Variants in CPEB1 observed in about 807,000 individuals in gnomAD.
CPEB1 encodes the protein cytoplasmic polyadenylation element binding protein 1, also known as cytoplasmic polyadenylation element-binding protein 1.
A neutral mutation model predicts 65.8 loss-of-function variants in CPEB1; 7 were observed. The ratio of observed to expected loss-of-function variants is 0.11; its 90% CI spans 0.06 to 0.20. The LOEUF (loss-of-function observed/expected upper bound fraction) is 0.20, where lower values mean the gene tolerates loss of function less well. CPEB1 is among the 10% of genes least tolerant of loss of function. The probability of loss-of-function intolerance (pLI) is 1.00; values close to 1 mark genes in which losing one functional copy is unlikely to be tolerated. For missense variants in CPEB1, 551 were observed against 712.2 expected (o/e 0.77, Z 2.58); for synonymous variants, 262 against 260.0 (o/e 1.01, Z -0.08).
At chr15:82,545,845 G>C (rs1036830068) in intron 12 of CPEB1, among the ~76,000 whole-genome samples, 2 of 152,164 alleles carry the variant, frequency 1.3e-5, no homozygotes, top group African/African-American at 4.8e-5. Flanking sequence ...GCTCCCACGT[G>C]CTGCTGACCA....
chr15:82,624,435 CTT>C (rs772953956), intron 3 of CPEB1, among the ~76,000 whole-genome samples: 1 of 152,174 alleles, frequency 6.6e-6, no homozygotes, highest in African/African-American at 2.4e-5. Context: ...AAACTGACCT[CTT>C]TATCTCACTG....
At chr15:82,564,272 G>GT (rs887642814) in intron 4 of CPEB1, among the ~76,000 whole-genome samples, 7 of 149,412 alleles carry the variant, frequency 4.7e-5, no homozygotes, top group African/African-American at 7.4e-5. Flanking sequence ...GGACACAATG[G>GT]TTTTTTTTGT....
chr15:82,617,824 C>T (rs1252265607), intron 3 of CPEB1, among the ~76,000 whole-genome samples: 2 of 141,254 alleles, frequency 1.4e-5, no homozygotes, highest in Non-Finnish European at 3.0e-5. Flanking sequence ...AGCTCCGCCT[C>T]TCGGGTTCAC....
At chr15:82,634,601 A>G (rs8033406) in intron 1 of CPEB1, among the ~76,000 whole-genome samples, 2,200 of 152,328 alleles carry the variant, frequency 0.014, 53 homozygotes, top group African/African-American at 0.049. Context: ...GAAGGGCCCA[A>G]GGTTTACTCA....
At chr15:82,639,633 T>A (rs1403742574) in intron 1 of CPEB1, among the ~76,000 whole-genome samples, 1 of 152,198 alleles carries the variant, frequency 6.6e-6, no homozygotes, top group Admixed American at 6.5e-5. Flanking sequence ...CAGAAAAGAT[T>A]TAAAGTAACA....
In CPEB1 at chr15:82,627,442, T is replaced by C. The variant is rs182186196; in HGVS notation, c.97-75A>G. The C allele has an allele frequency of 9.7e-6, 11 of 1,138,630 alleles. No individual in the cohort carries two copies. In the South Asian group the frequency reaches 1.7e-4, roughly 17 times the overall value. 70.5% of individuals were successfully genotyped at this position (1,138,630 alleles called of 1,614,324 possible). A position where few individuals can be genotyped will look rare whatever the true frequency, so the allele number is the denominator to read the frequency against. ...CCCCCTTTCTCTCCACATTACGAAT[T>C]AGATAAAGTAGGAAGGACTTAAGTA... is the stretch of plus-strand genomic sequence containing the variant. On this transcript the variant is annotated intron_variant, in intron 2 of 12. Transcript: ENST00000684509.
At chr15:82,648,715 C>G (rs959049204), upstream of CPEB1, 3 of 152,534 alleles carry the variant, frequency 2.0e-5, no homozygotes, top group African/African-American at 7.2e-5. Context: ...GAAGATCAAG[C>G]AAAGGCAGAG....
rs536910192 is a variant in CPEB1, at chr15:82,633,406, CTT to C, written c.-97-4852_-97-4851del. ...ATTTTATTTGAGACAGAGTTTTGCTCTTGTCGCCCACGCTGGAGCGCAATGGC... is the reference window on the plus strand; with the variant it reads ...ATTTTATTTGAGACAGAGTTTTGCTCGTCGCCCACGCTGGAGCGCAATGGC... On this transcript the variant is annotated intron_variant, in intron 1 of 12. Transcript: ENST00000684509. 2.6e-3 allele frequency among the ~76,000 whole-genome samples: 399 copies of C among 152,362 alleles called. 5 individuals carry two copies. The highest frequency in any genetic ancestry group is 6.8e-3 in the Middle Eastern group (2 of 292).
chr15:82,578,909 C>T (rs931082682), intron 3 of CPEB1, among the ~76,000 whole-genome samples: 1 of 152,184 alleles, frequency 6.6e-6, no homozygotes, highest in Non-Finnish European at 1.5e-5. Context: ...CTACAACCTC[C>T]ACGTCCTAGG....
Position 82,584,986 on chromosome 15 carries a change from C to G in CPEB1, c.272-13454G>C, listed in dbSNP as rs377400609. ...ATTAAACTGGGTAAGGTGACAACAT[C>G]CCCTAAATAAACTTGAGTAGTTTTT... is the stretch of plus-strand genomic sequence containing the variant. On this transcript the variant is annotated intron_variant, in intron 3 of 12. Transcript: ENST00000684509. Among the ~76,000 whole-genome samples the G allele has an allele frequency of 1.2e-3, 167 of 137,078 alleles. 1 individual carries two copies. The highest frequency in any genetic ancestry group is 4.5e-3 in the African/African-American group (161 of 35,738). 89.9% of individuals were successfully genotyped at this position (137,078 alleles called of 152,430 possible). A position where few individuals can be genotyped will look rare whatever the true frequency, so the allele number is the denominator to read the frequency against.
Position 82,627,333 on chromosome 15 carries a change from T to C in CPEB1, c.131A>G (p.Asp44Gly), listed in dbSNP as rs2045858550. 2 of 1,613,148 alleles carry C rather than the reference T, an allele frequency of 1.2e-6. No individual in the cohort carries two copies. The highest frequency in any genetic ancestry group is 1.7e-5 in the Admixed American group (1 of 59,892). Residue 44 changes from aspartate (D) to glycine (G), a missense_variant, in exon 3 of 13, where the codon GAC becomes GGC. Asp to Gly is a moderately conservative substitution (Grantham distance 94). Coordinates refer to ENST00000684509, the MANE Select transcript of CPEB1 (RefSeq NM_001365242.1). ...EEAGRIKDCWDNQEAPALSTC... is the reference protein window; with the variant it reads ...EEAGRIKDCWGNQEAPALSTC... Reference sequence around the variant, plus strand: ...GGAGAGAGCAGGTGCTTCCTGGTTGTCCCAGCAATCTTTTATCCTTCCTGC... The same window carrying C: ...GGAGAGAGCAGGTGCTTCCTGGTTGCCCCAGCAATCTTTTATCCTTCCTGC...
At chr15:82,633,394 CAG>C (rs2046412268) in intron 1 of CPEB1, among the ~76,000 whole-genome samples, 1 of 152,320 alleles carries the variant, frequency 6.6e-6, no homozygotes, top group Admixed American at 6.5e-5. Flanking sequence ...TTATTTGAGA[CAG>C]AGTTTTGCTC....
intron 4 of CPEB1, among the ~76,000 whole-genome samples, chr15:82,563,534 A>C (rs1379656775): frequency 7.0e-6 from 1 of 142,116 alleles, no homozygotes; most frequent in Non-Finnish European, 1.5e-5. Context: ...TAGAGGCAGG[A>C]TCTCACTCTG....
intron 4 of CPEB1, among the ~76,000 whole-genome samples, chr15:82,566,549 T>TC (rs960686598): frequency 1.3e-5 from 2 of 151,922 alleles, no homozygotes; most frequent in Admixed American, 6.6e-5. Flanking sequence ...AGTGTGGACT[T>TC]CCCCCCGACT....
intron 1 of CPEB1, chr15:82,629,389 C>T (rs1163045133): frequency 1.0e-6 from 1 of 985,068 alleles, no homozygotes; most frequent in Non-Finnish European, 1.2e-6. Context: ...TTAGTACATA[C>T]AACTTTATTA....
chr15:82,558,355 C>A (rs980522727), intron 4 of CPEB1, among the ~76,000 whole-genome samples: 12 of 152,198 alleles, frequency 7.9e-5, no homozygotes, highest in Non-Finnish European at 1.5e-4. Context: ...AAATCCCAAA[C>A]CATACTTCAT....
intron 3 of CPEB1, among the ~76,000 whole-genome samples, chr15:82,590,693 A>G (rs11858816): frequency 0.022 from 3,365 of 152,192 alleles, 111 homozygotes; most frequent in African/African-American, 0.077. Flanking sequence ...TCAAATGGGC[A>G]CCAGTGTCTA....
chr15:82,610,545 T>C (rs560485459), intron 3 of CPEB1, among the ~76,000 whole-genome samples: 1 of 151,884 alleles, frequency 6.6e-6, no homozygotes, highest in Admixed American at 6.6e-5. Context: ...TAAAATATAA[T>C]ATTAATAGAA....
At position 82,592,571 on chromosome 15, in the gene CPEB1, T is replaced by C. The variant is rs531859126; in HGVS notation, c.272-21039A>G. ...CCAGCCTGGATGACAGAGCCAGATATTGTCTCAAAAAAAAAAAAAAAAAGT... is the reference window on the plus strand; with the variant it reads ...CCAGCCTGGATGACAGAGCCAGATACTGTCTCAAAAAAAAAAAAAAAAAGT... On this transcript the variant is annotated intron_variant, in intron 3 of 12. Transcript: ENST00000684509. 2.1e-3 allele frequency among the ~76,000 whole-genome samples: 305 copies of C among 144,746 alleles called. 1 individual carries two copies. The highest frequency in any genetic ancestry group is 3.6e-3 in the Middle Eastern group (1 of 278). 95.0% of individuals were successfully genotyped at this position (144,746 alleles called of 152,430 possible).
Sources: allele counts gnomAD v4.1 joint callset (sites outside exome capture counted in the v4.1 genomes callset), GRCh38; gene constraint gnomAD v4.1.1; transcripts MANE v1.5; gene names NCBI Gene and HGNC (gene_info 2026-07-23, HGNC 2026-07-21).